NAALADL2: variants seen among roughly 807,000 people sequenced by gnomAD.
NAALADL2 encodes N-acetylated alpha-linked acidic dipeptidase like 2.
NAALADL2 carries 76 observed loss-of-function variants against 87.2 expected under a neutral mutation model. The observed-to-expected ratio is 0.87, with a 90% CI of 0.72 to 1.05. NAALADL2 has a LOEUF of 1.05. Ranked by LOEUF, NAALADL2 falls within the 50% of genes least tolerant of loss-of-function variation. NAALADL2 has a pLI of 0.00. For missense variants in NAALADL2, 1,089 were observed against 945.8 expected, an observed-to-expected ratio of 1.15 and a Z score of -1.99; for synonymous variants, 354 against 331.0, an observed-to-expected ratio of 1.07 and a Z score of -0.75.
chr3:175,152,755 A>C (rs893448163), intron 2 of NAALADL2, among the ~76,000 whole-genome samples: 2 of 152,008 alleles, frequency 1.3e-5, no homozygotes, highest in Non-Finnish European at 2.9e-5. Flanking sequence ...AAAATACAAA[A>C]AATTAGCTGG....
At chr3:175,042,514 A>T (rs1293674385) in intron 1 of NAALADL2, among the ~76,000 whole-genome samples, 4 of 152,000 alleles carry the variant, frequency 2.6e-5, no homozygotes, top group Non-Finnish European at 5.9e-5. Context: ...TTAACATACT[A>T]TTTTCCATAG....
intron 11 of NAALADL2, among the ~76,000 whole-genome samples, chr3:175,715,663 G>T (rs1206727439): frequency 6.6e-6 from 1 of 152,042 alleles, no homozygotes; most frequent in East Asian, 1.9e-4. Context: ...ACTACCCGAG[G>T]TGAGGTGTTC....
chr3:175,751,526 G>A (rs62286115), intron 12 of NAALADL2, among the ~76,000 whole-genome samples: 1,857 of 152,148 alleles, frequency 0.012, 16 homozygotes, highest in Non-Finnish European at 0.019. Flanking sequence ...AGTGATTTAT[G>A]CACTTAGAAA....
intron 1 of NAALADL2, among the ~76,000 whole-genome samples, chr3:174,875,737 AAAT>A (rs1728424372): frequency 6.6e-6 from 1 of 151,916 alleles, no homozygotes; most frequent in African/African-American, 2.4e-5. Flanking sequence ...TTGTAACAAA[AAAT>A]AATTTTTGGC....
chr3:175,730,445 C>T (rs73881365), intron 11 of NAALADL2, among the ~76,000 whole-genome samples: 1,573 of 67,390 alleles, frequency 0.023, 32 homozygotes, highest in Middle Eastern at 0.041. Flanking sequence ...TATATATATA[C>T]ACACATACAC....
chr3:175,327,256 T>C (rs201917652), intron 5 of NAALADL2, among the ~76,000 whole-genome samples: 112 of 149,156 alleles, frequency 7.5e-4, no homozygotes, highest in Admixed American at 2.6e-3. Context: ...CCCGGGTTCA[T>C]GCCATTCTCC....
chr3:174,808,331 T>C (rs1719741986), intron 3 of NAALADL2, among the ~76,000 whole-genome samples: 2 of 152,080 alleles, frequency 1.3e-5, no homozygotes, highest in South Asian at 4.1e-4. Context: ...GTCATATGGG[T>C]GTTCAGTTCC....
chr3:175,767,317 A>C (rs575562736), intron 13 of NAALADL2, among the ~76,000 whole-genome samples: 1 of 152,322 alleles, frequency 6.6e-6, no homozygotes, highest in Middle Eastern at 3.4e-3. Context: ...CCCATAGTCT[A>C]TAATTAGAGC....
chr3:175,554,755 T>G (rs1300933972), intron 9 of NAALADL2, among the ~76,000 whole-genome samples: 1 of 152,158 alleles, frequency 6.6e-6, no homozygotes, highest in Non-Finnish European at 1.5e-5. Context: ...CATAATTACA[T>G]TAGTACATAT....
At chr3:174,468,053 G>A (rs1475093045) in intron 1 of NAALADL2, among the ~76,000 whole-genome samples, 3 of 152,274 alleles carry the variant, frequency 2.0e-5, no homozygotes, top group Admixed American at 2.0e-4. Context: ...AGCAAAAGCT[G>A]TCTTCTACAG....
intron 11 of NAALADL2, among the ~76,000 whole-genome samples, chr3:175,655,049 T>C (rs545389995): frequency 2.0e-5 from 3 of 152,230 alleles, no homozygotes; most frequent in South Asian, 2.1e-4. Context: ...AAGTGGTAAC[T>C]ACAAAATTAT....
At chr3:175,561,871 G>A (rs1716328180) in intron 9 of NAALADL2, among the ~76,000 whole-genome samples, 1 of 152,140 alleles carries the variant, frequency 6.6e-6, no homozygotes, top group East Asian at 1.9e-4. Flanking sequence ...TGTGTGACTA[G>A]GTTATTTCAC....
chr3:175,796,913 G>A (rs1344020451), intron 13 of NAALADL2, among the ~76,000 whole-genome samples: 1 of 150,398 alleles, frequency 6.6e-6, no homozygotes, highest in Non-Finnish European at 1.5e-5. Flanking sequence ...GACTTATGAA[G>A]ATTTTAGTTG....
chr3:175,697,586 C>G (rs1258422873), intron 11 of NAALADL2, among the ~76,000 whole-genome samples: 1 of 151,554 alleles, frequency 6.6e-6, no homozygotes, highest in Non-Finnish European at 1.5e-5. Context: ...TATGGGATAA[C>G]TCTGAAAATG....
chr3:175,137,556 T>C (rs966228480), intron 2 of NAALADL2, among the ~76,000 whole-genome samples: 4 of 151,918 alleles, frequency 2.6e-5, no homozygotes, highest in Admixed American at 6.6e-5. Context: ...CATTCAGATA[T>C]TTTTTAGATT....
intron 2 of NAALADL2, among the ~76,000 whole-genome samples, chr3:175,144,833 C>G (rs1318256916): frequency 6.6e-6 from 1 of 151,866 alleles, no homozygotes; most frequent in African/African-American, 2.4e-5. Context: ...TTTAGACAAC[C>G]ATTGTTTGAA....
At chr3:174,483,011 G>A (rs1182197480) in intron 1 of NAALADL2, among the ~76,000 whole-genome samples, 1 of 151,920 alleles carries the variant, frequency 6.6e-6, no homozygotes, top group Admixed American at 6.6e-5. Flanking sequence ...TTTATTATTA[G>A]CAACATTAGA....
chr3:175,786,670 T>A lies in NAALADL2; in HGVS notation c.2190-16335T>A, dbSNP rs1165683717. ...ATGTCCTCTCGTAGCTCAGAGTAAT[T>A]TGATCGTCTGAAGCCTTCTTCTCTC... is the stretch of plus-strand genomic sequence containing the variant. On this transcript the variant is annotated intron_variant, in intron 13 of 13. Transcript: ENST00000454872. Among the ~76,000 whole-genome samples, 6 of 152,206 alleles carry A rather than the reference T, an allele frequency of 3.9e-5. No homozygotes were observed. In the East Asian group the frequency reaches 7.7e-4, roughly 20 times the overall value.
At chr3:174,660,221 C>A (rs1437610534) in intron 2 of NAALADL2, among the ~76,000 whole-genome samples, 2 of 152,044 alleles carry the variant, frequency 1.3e-5, no homozygotes, top group Non-Finnish European at 2.9e-5. Context: ...ATAATGATTA[C>A]ACTTGCAAAT....
Sources: allele counts gnomAD v4.1 joint callset (sites outside exome capture counted in the v4.1 genomes callset), GRCh38; gene constraint gnomAD v4.1.1; transcripts MANE v1.5; gene names NCBI Gene and HGNC (gene_info 2026-07-23, HGNC 2026-07-21).